AKAP1: variants seen among roughly 807,000 people sequenced by gnomAD.
The protein encoded by AKAP1 is A-kinase anchoring protein 1, also known as A-kinase anchor protein 1, mitochondrial.
A neutral mutation model predicts 79.8 loss-of-function variants in AKAP1; 32 were observed. The ratio of observed to expected loss-of-function variants is 0.40; its 90% confidence interval spans 0.30 to 0.54. AKAP1 has a LOEUF of 0.54. AKAP1 is among the 20% of genes least tolerant of loss of function. The pLI, the probability that AKAP1 is intolerant of heterozygous loss-of-function variation, is 0.47. For missense variants in AKAP1, 961 were observed against 1,138.9 expected (o/e 0.84, Z 2.25); for synonymous variants, 416 against 466.7 (o/e 0.89, Z 1.40).
chr17:57,091,296 G>A (rs760562199), intron 1 of AKAP1, among the ~76,000 whole-genome samples: 1 of 151,518 alleles, frequency 6.6e-6, no homozygotes, highest in Non-Finnish European at 1.5e-5. Context: ...GCATGTGCTG[G>A]TGCTATTTTT....
intron 10 of AKAP1, among the ~76,000 whole-genome samples, chr17:57,119,706 C>T (rs376319389): frequency 1.3e-5 from 2 of 151,822 alleles, no homozygotes; most frequent in African/African-American, 4.8e-5. Context: ...CAGAGCAAGA[C>T]TCTGTCTCAA....
chr17:57,105,349 C>G, intron 1 of AKAP1, 92 bp from the exon 2 acceptor site: 1 of 1,274,010 alleles, frequency 7.8e-7, no homozygotes, highest in Non-Finnish European at 1.1e-6. Context: ...GGCTCCAGCT[C>G]TACCCTGTTG....
intron 1 of AKAP1, chr17:57,093,724 T>C (rs1300820382): frequency 1.3e-5 from 2 of 152,250 alleles, no homozygotes. Flanking sequence ...ATTTGGCTTT[T>C]GACTGTGTAC....
Position 57,106,228 on chromosome 17 carries a change from G to A in AKAP1, c.764G>A (p.Gly255Glu), listed in dbSNP as rs780205041. Residue 255 changes from glycine to glutamate, a missense_variant, in exon 2 of 11, where the codon GGG becomes GAG. This residue lies in a region of AKAP1 where 224 missense variants were observed against 210.2 expected (regional missense o/e 1.07). Transcript: ENST00000337714. ...AAGAGCAGCTCATCCCAGGTGGTGGGGCCAGTGCAGGAGGAAGAGTATGTA... is the reference window on the plus strand; with the variant it reads ...AAGAGCAGCTCATCCCAGGTGGTGGAGCCAGTGCAGGAGGAAGAGTATGTA... ...KGKSSSSQVV[G>E]PVQEEEYVAE... 6.2e-7 allele frequency: 1 copy of A among 1,614,190 alleles called. No individual in the cohort carries two copies. The highest frequency in any genetic ancestry group is 2.2e-5 in the East Asian group (1 of 44,876).
chr17:57,095,105 CA>C lies in AKAP1; in HGVS notation c.-25+9711del, dbSNP rs202163580. ...ACAGGGCACTTCCATGTCCTATGGA[CA>C]AAACTTTCAGTTGGTCAGTAGCAGA... is the stretch of plus-strand genomic sequence containing the variant. On this transcript the variant is annotated intron_variant, in intron 1 of 10. Transcript: ENST00000337714. 9.2e-3 allele frequency: 1,398 copies of C among 152,302 alleles called. 13 individuals are homozygous for C. Among genetic ancestry groups the C allele is most frequent in the Non-Finnish European group, 0.014 (972 of 68,050 alleles). The allele number at this position is 152,302 out of a possible 1,614,324, so 9.4% of individuals were successfully genotyped here.
chr17:57,101,894 C>A lies in AKAP1; in HGVS notation c.-24-3547C>A, dbSNP rs532258142. ...TGGGATTATGTGAACATAGACATTC[C>A]ATACACATGGTGGTCTGTACCTTTT... is the stretch of plus-strand genomic sequence containing the variant. On this transcript the variant is annotated intron_variant, in intron 1 of 10. Transcript: ENST00000337714. 3.9e-5 allele frequency among the ~76,000 whole-genome samples: 6 copies of A among 152,236 alleles called. No homozygotes were observed. In the East Asian group the frequency reaches 1.2e-3, roughly 29 times the overall value.
chr17:57,089,426 A>G (rs1172931577), intron 1 of AKAP1, among the ~76,000 whole-genome samples: 1 of 152,188 alleles, frequency 6.6e-6, no homozygotes, highest in Non-Finnish European at 1.5e-5. Flanking sequence ...TCTGTAGGGT[A>G]GCTGCTAGCT....
At position 57,106,047 on chromosome 17, in the gene AKAP1, A is replaced by G. The variant is rs930666221; in HGVS notation, c.583A>G (p.Arg195Gly). ...CGCAGAGAAGCGTAGCTCTGGGGAG[A>G]GGGCAAGAGAGACAGGTGGGGCCGA... is the stretch of plus-strand genomic sequence containing the variant. Reference protein sequence around the residue: ...VPAEKRSSGERARETGGAEGT... With the variant: ...VPAEKRSSGEGARETGGAEGT... The change falls in exon 2 of 11, where the codon AGG becomes GGG. Residue 195 changes from arginine (R) to glycine (G), a missense_variant. Arg to Gly is a moderately radical substitution (Grantham distance 125). Transcript: ENST00000337714. The G allele has an allele frequency of 6.2e-7, 1 of 1,611,150 alleles. No homozygotes were observed. The highest frequency in any genetic ancestry group is 1.3e-5 in the African/African-American group (1 of 74,864).
chr17:57,107,395 T>A (rs1045277301), intron 2 of AKAP1, among the ~76,000 whole-genome samples: 2 of 152,204 alleles, frequency 1.3e-5, no homozygotes, highest in African/African-American at 4.8e-5. Flanking sequence ...GAGCTGTAAC[T>A]TGGTTCCTCA....
At position 57,106,845 on chromosome 17, in the gene AKAP1, C is replaced by T; in HGVS notation, c.1381C>T (p.Leu461=). The change falls in exon 2 of 11, where the codon CTG becomes TTG. Residue 461 remains leucine, a synonymous_variant. Transcript: ENST00000337714. ...KPNISAHHIS[L]ASCLALTTPS... The stretch of plus-strand genomic sequence containing the variant: ...AAATATCTCTGCACACCACATCTCC[C>T]TGGCCTCCTGCCTGGCACTGACCAC... 1 of 1,614,184 alleles carries T rather than the reference C, an allele frequency of 6.2e-7. No homozygotes were observed. The highest frequency in any genetic ancestry group is 8.5e-7 in the Non-Finnish European group (1 of 1,180,022).
At chr17:57,119,122 T>G in intron 10 of AKAP1, 78 bp downstream of exon 10, 1 of 1,493,612 alleles carries the variant, frequency 6.7e-7, no homozygotes, top group Non-Finnish European at 9.3e-7. Context: ...CTGGGATTTG[T>G]TTCCTCTTGA....
intron 1 of AKAP1, chr17:57,092,923 A>G (rs1913868985): frequency 6.5e-6 from 1 of 152,714 alleles, no homozygotes; most frequent in African/African-American, 2.4e-5. Flanking sequence ...GGACTTTGGC[A>G]CATGTTCTTC....
chr17:57,110,460 T>TG (rs949035078), intron 3 of AKAP1, among the ~76,000 whole-genome samples: 1 of 141,638 alleles, frequency 7.1e-6, no homozygotes, highest in Non-Finnish European at 1.6e-5. Flanking sequence ...CAGATCTATT[T>TG]GGAAAAAAAA....
Position 57,111,755 on chromosome 17 carries a change from G to C in AKAP1, c.1849-43G>C, listed in dbSNP as rs116680908. The C allele has an allele frequency of 6.4e-4, 1,033 of 1,607,572 alleles. 7 individuals are homozygous for C. The African/African-American group carries it at 0.011, about 17-fold the overall frequency. ...TAGGTCTTTGGGTGTCCAGGGAATT[G>C]GTTTCCCTTTAACCCTCTCATCTCT... is the stretch of plus-strand genomic sequence containing the variant. On this transcript the variant is annotated intron_variant, in intron 3 of 10. Transcript: ENST00000337714.
At chr17:57,097,064 G>A (rs956443068) in intron 1 of AKAP1, among the ~76,000 whole-genome samples, 1 of 151,896 alleles carries the variant, frequency 6.6e-6, no homozygotes, top group Non-Finnish European at 1.5e-5. Flanking sequence ...TATGGCTCCT[G>A]TGGCAAAGGT....
In AKAP1 at chr17:57,085,287, G is replaced by T. The variant is rs1394982768; in HGVS notation, c.-136G>T. On this transcript the variant is annotated 5_prime_UTR_variant, in exon 1 of 11. Transcript: ENST00000337714. ...GTGTTCCACCCGCCTGGGCTAGCAC[G>T]TGGGGGAGCTGCGGAAGCGCGGCGC... The T allele has an allele frequency of 6.6e-6, 1 of 151,158 alleles. No homozygotes were observed. Among genetic ancestry groups the T allele is most frequent in the African/African-American group, 2.4e-5 (1 of 41,298 alleles). The allele number at this position is 151,158 out of a possible 1,614,324, so 9.4% of individuals were successfully genotyped here.
intron 8 of AKAP1, 54 bp downstream of exon 8, chr17:57,116,981 AG>A: frequency 6.5e-7 from 1 of 1,540,756 alleles, no homozygotes; most frequent in Non-Finnish European, 9.0e-7. Context: ...TGTTGAGAGT[AG>A]GTCTTTCTCA....
Position 57,105,670 on chromosome 17 carries a change from C to T in AKAP1, c.206C>T (p.Ser69Phe). The T allele has an allele frequency of 6.2e-7, 1 of 1,614,162 alleles. No individual in the cohort carries two copies. Among genetic ancestry groups the T allele is most frequent in the South Asian group, 1.1e-5 (1 of 91,082 alleles). ...GAAGACGTCTGTCCCAAAGTAGTGT[C>T]CACACCCCCCAGTGTCACAGAGCCT... is the stretch of plus-strand genomic sequence containing the variant. ...PVEDVCPKVVSTPPSVTEPPE... is the reference protein window; with the variant it reads ...PVEDVCPKVVFTPPSVTEPPE... Residue 69 changes from serine to phenylalanine, a missense_variant, in exon 2 of 11, where the codon TCC becomes TTC. Transcript: ENST00000337714.
intron 1 of AKAP1, among the ~76,000 whole-genome samples, chr17:57,102,522 G>A (rs1204988925): frequency 6.6e-6 from 1 of 150,726 alleles, no homozygotes; most frequent in Non-Finnish European, 1.5e-5. Flanking sequence ...CTGGAGTGCA[G>A]TGGCACTATC....
Sources: allele counts gnomAD v4.1 joint callset (sites outside exome capture counted in the v4.1 genomes callset), GRCh38; gene constraint gnomAD v4.1.1; regional missense constraint gnomAD v4.1.1; transcripts MANE v1.5; gene names NCBI Gene and HGNC (gene_info 2026-07-23, HGNC 2026-07-21).